BBS12: variants seen among roughly 807,000 people sequenced by gnomAD.
BBS12 encodes the protein Bardet-Biedl syndrome 12, also known as chaperonin-containing T-complex member BBS12.
BBS12 carries 5 observed loss-of-function variants against 5.6 expected under a neutral mutation model. The observed-to-expected ratio is 0.89, with a 90% confidence interval of 0.46 to 1.86. BBS12 has a LOEUF of 1.86. Ranked by LOEUF, BBS12 falls within the 40% of genes most tolerant of loss-of-function variation. The pLI, the probability that BBS12 is intolerant of heterozygous loss-of-function variation, is 0.01. For synonymous variants in BBS12, 308 were observed against 306.8 expected (o/e 1.00, Z -0.04); for missense variants, 748 against 830.4 (o/e 0.90, Z 1.22).
At chr4:122,735,302 G>C (rs566060274) in intron 1 of BBS12, among the ~76,000 whole-genome samples, 1 of 152,176 alleles carries the variant, frequency 6.6e-6, no homozygotes, top group Non-Finnish European at 1.5e-5. Context: ...ATGTTCTAGC[G>C]TGACAAGATC....
the BBS12 span, among the ~76,000 whole-genome samples, chr4:122,718,777 C>A: frequency 7.1e-6 from 1 of 141,602 alleles, no homozygotes; most frequent in African/African-American, 2.7e-5. Flanking sequence ...TCATCCAAGC[C>A]CCACCCCACT....
rs779200603 is a variant in BBS12, at chr4:122,743,936, T to C, written c.2044T>C (p.Leu682=). Residue 682 remains leucine (L), a synonymous_variant, in exon 2 of 2, where the codon TTA becomes CTA. Transcript: ENST00000314218. ...AWRRALDLVL[L]VLQTDSEIIT... ...GCGCCGAGCATTGGATTTAGTATTG[T>C]TAGTACTTCAGACAGACAGTGAAAT... is the stretch of plus-strand genomic sequence containing the variant. 5.6e-6 allele frequency: 9 copies of C among 1,612,112 alleles called. No individual in the cohort carries two copies. The highest frequency in any genetic ancestry group is 7.6e-6 in the Non-Finnish European group (9 of 1,179,398).
chr4:122,725,596 C>T, the BBS12 span, among the ~76,000 whole-genome samples: 42 of 152,146 alleles, frequency 2.8e-4, no homozygotes, highest in South Asian at 8.5e-3. Context: ...CATCTCTCAC[C>T]TTATATAAAA....
At chr4:122,716,631 A>ATG in the BBS12 span, among the ~76,000 whole-genome samples, 3 of 104,320 alleles carry the variant, frequency 2.9e-5, no homozygotes, top group East Asian at 8.5e-4. Context: ...ACATACACAT[A>ATG]TGTATATACA....
intron 1 of BBS12, among the ~76,000 whole-genome samples, chr4:122,734,800 G>A (rs528104992): frequency 5.9e-5 from 9 of 152,238 alleles, no homozygotes; most frequent in African/African-American, 2.2e-4. Context: ...TGTAGGCTCA[G>A]ATTCCAACTC....
intron 1 of BBS12, among the ~76,000 whole-genome samples, chr4:122,735,885 C>T (rs557481805): frequency 1.3e-5 from 2 of 152,230 alleles, no homozygotes; most frequent in African/African-American, 4.8e-5. Context: ...ACAGATGGAA[C>T]AAATCCAGAG....
intron 1 of BBS12, among the ~76,000 whole-genome samples, chr4:122,740,739 T>G (rs535612298): frequency 8.5e-5 from 13 of 152,368 alleles, no homozygotes; most frequent in Non-Finnish European, 1.8e-4. Context: ...ACTTGTCTAG[T>G]CAGTCCTCTA....
chr4:122,720,839 G>A, the BBS12 span, among the ~76,000 whole-genome samples: 1 of 148,346 alleles, frequency 6.7e-6, no homozygotes, highest in African/African-American at 2.5e-5. Flanking sequence ...GTACATCATA[G>A]TTAAGTTGCT....
the BBS12 span, among the ~76,000 whole-genome samples, chr4:122,723,862 C>T: frequency 6.6e-6 from 1 of 152,136 alleles, no homozygotes; most frequent in African/African-American, 2.4e-5. Context: ...ATCTAAGCTA[C>T]AGAAAGAGGC....
At chr4:122,701,947 C>T in the BBS12 span, among the ~76,000 whole-genome samples, 1 of 152,174 alleles carries the variant, frequency 6.6e-6, no homozygotes, top group African/African-American at 2.4e-5. Flanking sequence ...CTTCTCCCAT[C>T]TCTGCTTCCT....
chr4:122,743,033 G>A lies in BBS12; in HGVS notation c.1141G>A (p.Val381Ile), dbSNP rs1360918682. ...TAATAAGTCTGCAAATATTAAAACA[G>A]TATTAGATAGCATGCGGCTTCAAGA... The part of the protein sequence containing the change: ...GFNKSANIKT[V>I]LDSMRLQEDS... The change falls in exon 2 of 2, where the codon GTA (valine) becomes ATA (isoleucine). Residue 381 changes from valine (V) to isoleucine (I), a missense_variant. Transcript: ENST00000314218. 16 of 1,614,220 alleles carry A rather than the reference G, an allele frequency of 9.9e-6. No individual in the cohort carries two copies. The highest frequency in any genetic ancestry group is 1.3e-5 in the Non-Finnish European group (15 of 1,180,036).
chr4:122,706,132 C>T, the BBS12 span, among the ~76,000 whole-genome samples: 1 of 152,106 alleles, frequency 6.6e-6, no homozygotes, highest in African/African-American at 2.4e-5. Flanking sequence ...CTGTGTCCTC[C>T]CACACAACGT....
chr4:122,715,145 A>G, the BBS12 span, among the ~76,000 whole-genome samples: 2 of 151,710 alleles, frequency 1.3e-5, no homozygotes, highest in Non-Finnish European at 2.9e-5. Context: ...ACTAGATAAT[A>G]TTTACACACA....
In BBS12 at chr4:122,743,899, G is replaced by A. The variant is rs761321499; in HGVS notation, c.2007G>A (p.Lys669=). 1 of 1,605,260 alleles carries A rather than the reference G, an allele frequency of 6.2e-7. No homozygotes were observed. Among genetic ancestry groups the A allele is most frequent in the South Asian group, 1.1e-5 (1 of 89,438 alleles). The change falls in exon 2 of 2, where the codon AAG becomes AAA. Residue 669 remains lysine, a synonymous_variant. Transcript: ENST00000314218. ...IPRVYDVVTP[K]IEAWRRALDL... is the part of the protein sequence containing the mutation. Reference sequence around the variant, plus strand: ...GAGTTTATGACGTTGTTACACCAAAGATTGAGGCGTGGCGCCGAGCATTGG... The same window carrying A: ...GAGTTTATGACGTTGTTACACCAAAAATTGAGGCGTGGCGCCGAGCATTGG...
At chr4:122,727,702 G>T (rs1578481183), upstream of BBS12, among the ~76,000 whole-genome samples, 1 of 151,532 alleles carries the variant, frequency 6.6e-6, no homozygotes, top group Non-Finnish European at 1.5e-5. Flanking sequence ...ACAGGCGCCT[G>T]CCACCACGTC....
rs745647149 is a variant in BBS12 at position 122,742,981 on chromosome 4, C to A, written c.1089C>A (p.Leu363=). Residue 363 remains leucine (L), a synonymous_variant, in exon 2 of 2, where the codon CTC becomes CTA. Coordinates refer to ENST00000314218, the MANE Select transcript of BBS12 (RefSeq NM_152618.3). ...PVRIVLIEGD[L]TENYRHLGFN... ...GAATAGTTCTCATTGAGGGTGACCT[C>A]ACAGAGAATTACCGCCACCTGGGAT... The A allele has an allele frequency of 3.7e-6, 6 of 1,614,162 alleles. No individual in the cohort carries two copies. The South Asian group carries it at 6.6e-5, about 18-fold the overall frequency.
chr4:122,742,231 A>T lies in BBS12; in HGVS notation c.339A>T (p.Val113=), dbSNP rs1180097077. The change falls in exon 2 of 2, where the codon GTA becomes GTT. Residue 113 remains valine (V), a synonymous_variant. Transcript: ENST00000314218. ...LHLGVPISII[V]SVMSEGLNFC... ...TTGGTGTCCCCATTTCCATAATAGT[A>T]TCAGTAATGTCAGAAGGCTTAAACT... 2 of 1,613,752 alleles carry T rather than the reference A, an allele frequency of 1.2e-6. No individual in the cohort carries two copies. The highest frequency in any genetic ancestry group is 1.7e-6 in the Non-Finnish European group (2 of 1,180,022).
chr4:122,711,903 G>A, the BBS12 span, among the ~76,000 whole-genome samples: 221 of 152,290 alleles, frequency 1.5e-3, no homozygotes, highest in African/African-American at 4.8e-3. Context: ...CAGGTGTGGG[G>A]GAATCTGCTA....
At chr4:122,735,370 TA>T (rs1484856156) in intron 1 of BBS12, among the ~76,000 whole-genome samples, 4 of 152,216 alleles carry the variant, frequency 2.6e-5, no homozygotes, top group Admixed American at 2.6e-4. Flanking sequence ...GGTTAGATTA[TA>T]AGGCACATAT....
Sources: allele counts gnomAD v4.1 joint callset (sites outside exome capture counted in the v4.1 genomes callset), GRCh38; gene constraint gnomAD v4.1.1; transcripts MANE v1.5; gene names NCBI Gene and HGNC (gene_info 2026-07-23, HGNC 2026-07-21).